Variants in NOP58 observed in about 807,000 individuals in gnomAD.
NOP58 encodes nucleolar protein 58.
A neutral mutation model predicts 71.2 loss-of-function variants in NOP58; 44 were observed. The observed-to-expected ratio is 0.62, with a 90% CI of 0.49 to 0.79. NOP58 has a LOEUF of 0.79. Ranked by LOEUF, NOP58 falls within the 30% of genes least tolerant of loss-of-function variation. The probability of loss-of-function intolerance (pLI) is 0.00; values close to 1 mark genes in which losing one functional copy is unlikely to be tolerated. For synonymous variants in NOP58, 228 were observed against 200.3 expected, an observed-to-expected ratio of 1.14 and a Z score of -1.17; for missense variants, 538 against 620.2, an observed-to-expected ratio of 0.87 and a Z score of 1.41.
chr2:202,275,342 A>G (rs1426248332), intron 2 of NOP58, 153 bp downstream of exon 2: 8 of 560,698 alleles, frequency 1.4e-5, no homozygotes, highest in Non-Finnish European at 2.3e-5. Context: ...AATTATTACA[A>G]ATGTTTTACT....
In NOP58 at chr2:202,297,923, G is replaced by C. The variant is rs763036497; in HGVS notation, c.1268+17G>C. The C allele has an allele frequency of 1.3e-6, 2 of 1,487,644 alleles. No homozygotes were observed. The highest frequency in any genetic ancestry group is 2.2e-5 in the Admixed American group (1 of 45,420). The allele number at this position is 1,487,644 out of a possible 1,614,324, so 92.2% of individuals were successfully genotyped here. A position where few individuals can be genotyped will look rare whatever the true frequency, so the allele number is the denominator to read the frequency against. On this transcript the variant is annotated intron_variant, in intron 12 of 14. Transcript: ENST00000264279. The stretch of plus-strand genomic sequence containing the variant: ...ACACAAAAGGTGAGTACATTTAAGT[G>C]AGGATGGGGTGAATAGTTTTTTTAA...
chr2:202,282,811 A>C (rs996620034), intron 4 of NOP58, among the ~76,000 whole-genome samples: 5 of 152,156 alleles, frequency 3.3e-5, no homozygotes, highest in African/African-American at 4.8e-5. Flanking sequence ...TATTTTTTAG[A>C]AATATATTTA....
At chr2:202,275,949 G>A (rs984834222) in intron 2 of NOP58, among the ~76,000 whole-genome samples, 3 of 152,168 alleles carry the variant, frequency 2.0e-5, no homozygotes, top group East Asian at 1.9e-4. Flanking sequence ...GAGTACAGGC[G>A]TGAGCCACCA....
chr2:202,298,068 A>C (rs538628744), intron 12 of NOP58, among the ~76,000 whole-genome samples, 162 bp downstream of exon 12: 1 of 152,112 alleles, frequency 6.6e-6, no homozygotes, highest in Admixed American at 6.6e-5. Context: ...TTGTTTTGGA[A>C]AATGTGCACA....
intron 3 of NOP58, among the ~76,000 whole-genome samples, chr2:202,281,096 C>T (rs1204562423): frequency 6.6e-6 from 1 of 151,762 alleles, no homozygotes; most frequent in Non-Finnish European, 1.5e-5. Context: ...TGTTGATAGA[C>T]CTTCATTCCT....
intron 1 of NOP58, among the ~76,000 whole-genome samples, chr2:202,268,010 T>A (rs183381623): frequency 5.3e-5 from 8 of 152,234 alleles, no homozygotes; most frequent in Non-Finnish European, 1.0e-4. Context: ...GAATTAACAT[T>A]GATCGTTTCT....
intron 1 of NOP58, among the ~76,000 whole-genome samples, chr2:202,272,560 G>A (rs1048975100): frequency 6.6e-6 from 1 of 152,190 alleles, no homozygotes; most frequent in Non-Finnish European, 1.5e-5. Context: ...AAAGCCTAGA[G>A]TTGGTATTAA....
intron 11 of NOP58, 83 bp downstream of exon 11, chr2:202,297,596 A>G (rs905451709): frequency 2.2e-6 from 3 of 1,378,702 alleles, no homozygotes; most frequent in East Asian, 4.7e-5. Flanking sequence ...TTCATCTGCT[A>G]AACAGTTTTA....
At chr2:202,267,316 G>A (rs972383777) in intron 1 of NOP58, among the ~76,000 whole-genome samples, 33 of 152,214 alleles carry the variant, frequency 2.2e-4, no homozygotes, top group Non-Finnish European at 2.4e-4. Flanking sequence ...AGAAAGTCTG[G>A]ATGGGTGCAG....
intron 1 of NOP58, among the ~76,000 whole-genome samples, chr2:202,266,711 A>G (rs986379373): frequency 3.3e-5 from 5 of 152,244 alleles, no homozygotes; most frequent in African/African-American, 1.2e-4. Context: ...TAAGAACGGC[A>G]GCAAGAATAC....
intron 3 of NOP58, among the ~76,000 whole-genome samples, chr2:202,280,160 T>C (rs1688676413): frequency 6.6e-6 from 1 of 152,126 alleles, no homozygotes; most frequent in Admixed American, 6.6e-5. Flanking sequence ...GAACCACAAC[T>C]AAATGGCTGT....
At chr2:202,289,930 T>C (rs923814351) in intron 6 of NOP58, among the ~76,000 whole-genome samples, 4 of 151,982 alleles carry the variant, frequency 2.6e-5, no homozygotes, top group Non-Finnish European at 4.4e-5. Flanking sequence ...CACTTGAAAA[T>C]GGTTGAAGTG....
intron 9 of NOP58, among the ~76,000 whole-genome samples, chr2:202,295,091 C>G (rs1688969741): frequency 6.6e-6 from 1 of 152,126 alleles, no homozygotes; most frequent in African/African-American, 2.4e-5. Flanking sequence ...GATTCATGTC[C>G]TGGGGGGAGC....
intron 3 of NOP58, among the ~76,000 whole-genome samples, chr2:202,279,048 TAAA>T: frequency 6.6e-6 from 1 of 152,340 alleles, no homozygotes; most frequent in Non-Finnish European, 1.5e-5. Context: ...GGAGAATTTT[TAAA>T]AAGATAGCCT....
chr2:202,287,711 T>A lies in NOP58; in HGVS notation c.486T>A (p.Ile162=). The A allele has an allele frequency of 6.2e-7, 1 of 1,612,120 alleles. No individual in the cohort carries two copies. Among genetic ancestry groups the A allele is most frequent in the Admixed American group, 1.7e-5 (1 of 60,012 alleles). The change falls in exon 6 of 15, where the codon ATT becomes ATA. Residue 162 remains isoleucine, a synonymous_variant. Coordinates refer to ENST00000264279, the MANE Select transcript of NOP58 (RefSeq NM_015934.5). ...KFSADKVDTM[I]VQAISLLDDL... is the part of the protein sequence containing the mutation. The stretch of plus-strand genomic sequence containing the variant: ...GCGCTGATAAAGTAGACACAATGAT[T>A]GTTCAGGCAATTTGTAAGTATAGTA...
At chr2:202,287,266 G>A (rs940966799) in intron 5 of NOP58, among the ~76,000 whole-genome samples, 5 of 151,736 alleles carry the variant, frequency 3.3e-5, no homozygotes, top group African/African-American at 1.2e-4. Context: ...ACAGGGTTTC[G>A]CCATGTTGGC....
Position 202,265,823 on chromosome 2 carries a change from A to G in NOP58, c.-119A>G, listed in dbSNP as rs1267622005. 3 of 1,033,026 alleles carry G rather than the reference A, an allele frequency of 2.9e-6. No individual in the cohort carries two copies. The highest frequency in any genetic ancestry group is 2.4e-5 in the East Asian group (1 of 42,098). 64.0% of individuals were successfully genotyped at this position (1,033,026 alleles called of 1,614,324 possible). On this transcript the variant is annotated 5_prime_UTR_variant, in exon 1 of 15. Coordinates refer to ENST00000264279, the MANE Select transcript of NOP58 (RefSeq NM_015934.5). ...TGTTCTGATTCTTTGCGGGACGGCG[A>G]GCGCATTTGTGCTTTGCCCGCCGCG...
intron 14 of NOP58, 31 bp downstream of exon 14, chr2:202,303,088 T>A (rs998792226): frequency 6.2e-7 from 1 of 1,601,246 alleles, no homozygotes; most frequent in South Asian, 1.1e-5. Flanking sequence ...CGGTTTTCAC[T>A]TGGAGGGGCC....
chr2:202,270,770 C>G (rs1454796241), intron 1 of NOP58, among the ~76,000 whole-genome samples: 1 of 152,006 alleles, frequency 6.6e-6, no homozygotes, highest in Non-Finnish European at 1.5e-5. Flanking sequence ...AAAAACCACA[C>G]AAAGTCTCAA....
Sources: allele counts gnomAD v4.1 joint callset (sites outside exome capture counted in the v4.1 genomes callset), GRCh38; gene constraint gnomAD v4.1.1; transcripts MANE v1.5; gene names NCBI Gene and HGNC (gene_info 2026-07-23, HGNC 2026-07-21).